Variants in KIRREL3 observed in about 807,000 individuals in gnomAD.
The protein encoded by KIRREL3 is kirre like nephrin family adhesion molecule 3.
A neutral mutation model predicts 89.7 loss-of-function variants in KIRREL3; 36 were observed. The ratio of observed to expected loss-of-function variants is 0.40; its 90% CI spans 0.31 to 0.53. The LOEUF (loss-of-function observed/expected upper bound fraction) is 0.53. KIRREL3 is among the 20% of genes least tolerant of loss of function. The pLI, the probability that KIRREL3 is intolerant of heterozygous loss-of-function variation, is 0.49. For synonymous variants in KIRREL3, 445 were observed against 441.4 expected (o/e 1.01, Z -0.10); for missense variants, 864 against 1,056.6 (o/e 0.82, Z 2.53).
chr11:126,720,755 A>T (rs1322291676), intron 1 of KIRREL3, among the ~76,000 whole-genome samples: 1 of 152,188 alleles, frequency 6.6e-6, no homozygotes, highest in Non-Finnish European at 1.5e-5. Flanking sequence ...GAGAGAAAGG[A>T]ATTGGCTTGT....
intron 1 of KIRREL3, among the ~76,000 whole-genome samples, chr11:126,661,714 G>A (rs191919484): frequency 6.6e-6 from 1 of 152,306 alleles, no homozygotes; most frequent in East Asian, 1.9e-4. Context: ...AATCACCTGA[G>A]GGAGCTAGAA....
At position 126,519,456 on chromosome 11, in the gene KIRREL3, T is replaced by C. The variant is rs189413429; in HGVS notation, c.433+1859A>G. 5.9e-5 allele frequency among the ~76,000 whole-genome samples: 9 copies of C among 152,370 alleles called. No individual in the cohort carries two copies. The East Asian group carries it at 1.7e-3, about 29-fold the overall frequency. ...AAACATTCGAAATAATCTGGACTTTTAATACGTTGGACTTTTTTACGTAAC... is the reference window on the plus strand; with the variant it reads ...AAACATTCGAAATAATCTGGACTTTCAATACGTTGGACTTTTTTACGTAAC... On this transcript the variant is annotated intron_variant, in intron 4 of 16. Transcript: ENST00000525144. The surrounding 1 kb of genome is among the most constrained non-coding windows in gnomAD (Gnocchi z 4.3).
rs896593907 is a variant in KIRREL3 at position 126,754,265 on chromosome 11, G to A, written c.56-191353C>T. Among the ~76,000 whole-genome samples, 1 of 152,134 alleles carries A rather than the reference G, an allele frequency of 6.6e-6. No individual in the cohort carries two copies. Among genetic ancestry groups the A allele is most frequent in the Admixed American group, 6.5e-5 (1 of 15,272 alleles). On this transcript the variant is annotated intron_variant, in intron 1 of 16. Transcript: ENST00000525144. This position sits in a 1 kb window ranked among gnomAD's most constrained non-coding sequence, Gnocchi z 5.1. ...ATCTGGCTACAGATCTAAATTTATT[G>A]CATTAGCTTTGAGAAGACTTTTAAT...
Position 126,900,367 on chromosome 11 carries a change from C to T in KIRREL3, c.55+100088G>A, listed in dbSNP as rs2134833621. ...AAGCAGTTCCGGCTTGTGAGAAATTCAGAGAAGTCTAGAAATAGAAATAAC... is the reference window on the plus strand; with the variant it reads ...AAGCAGTTCCGGCTTGTGAGAAATTTAGAGAAGTCTAGAAATAGAAATAAC... On this transcript the variant is annotated intron_variant, in intron 1 of 16. Transcript: ENST00000525144. The surrounding 1 kb of genome is among the most constrained non-coding windows in gnomAD (Gnocchi z 4.4). Among the ~76,000 whole-genome samples, 1 of 152,252 alleles carries T rather than the reference C, an allele frequency of 6.6e-6. No individual in the cohort carries two copies. The highest frequency in any genetic ancestry group is 3.4e-3 in the Middle Eastern group (1 of 294).
At position 126,430,137 on chromosome 11, in the gene KIRREL3, C is replaced by CA. The variant is rs138112843; in HGVS notation, c.1697-850dup. Among the ~76,000 whole-genome samples, 411 of 127,568 alleles carry CA rather than the reference C, an allele frequency of 3.2e-3. 4 individuals are homozygous for CA. The highest frequency in any genetic ancestry group is 2.3e-3 in the South Asian group (9 of 3,970). The allele number at this position is 127,568 out of a possible 152,430, so 83.7% of individuals were successfully genotyped here. A position where few individuals can be genotyped will look rare whatever the true frequency, so the allele number is the denominator to read the frequency against. On this transcript the variant is annotated intron_variant, in intron 14 of 16. Coordinates refer to ENST00000525144, the MANE Select transcript of KIRREL3 (RefSeq NM_032531.4). The surrounding 1 kb of genome is among the most constrained non-coding windows in gnomAD (Gnocchi z 6.6). ...TGGGCAACAGGATGAGACTCTGTCT[C>CA]AAAAAAAAAAAAGGAAATTCTTGAG... is the stretch of plus-strand genomic sequence containing the variant.
intron 1 of KIRREL3, among the ~76,000 whole-genome samples, chr11:126,714,441 G>A (rs138073837): frequency 3.7e-4 from 57 of 152,326 alleles, no homozygotes; most frequent in African/African-American, 1.1e-3. Context: ...TAATGCCTGC[G>A]ATTCTCTGTG....
At chr11:126,654,380 T>A (rs903638924) in intron 1 of KIRREL3, among the ~76,000 whole-genome samples, 1 of 144,782 alleles carries the variant, frequency 6.9e-6, no homozygotes, top group South Asian at 2.2e-4. Flanking sequence ...AATGCAACAG[T>A]GAAAGGAATT....
In KIRREL3 at chr11:126,489,287, T is replaced by C. The variant is rs772252973; in HGVS notation, c.434-15821A>G. 2.5e-4 allele frequency among the ~76,000 whole-genome samples: 38 copies of C among 152,182 alleles called. No homozygotes were observed. Among genetic ancestry groups the C allele is most frequent in the South Asian group, 1.9e-3 (9 of 4,828 alleles). On this transcript the variant is annotated intron_variant, in intron 4 of 16. Transcript: ENST00000525144. This position sits in a 1 kb window ranked among gnomAD's most constrained non-coding sequence, Gnocchi z 5.5. The stretch of plus-strand genomic sequence containing the variant: ...GAAGCAGCCCTGTCATGTTCCTCTT[T>C]GTCTCTCTCTCCTGCCCCAGCTCAG...
chr11:126,946,354 G>C lies in KIRREL3; in HGVS notation c.55+54101C>G, dbSNP rs1301037855. On this transcript the variant is annotated intron_variant, in intron 1 of 16. Transcript: ENST00000525144. This position sits in a 1 kb window ranked among gnomAD's most constrained non-coding sequence, Gnocchi z 4.1. Reference sequence around the variant, plus strand: ...ACAACATGCCACCATACTGGGAGTTGCAAGACCTGGTTTGGTCCTCATGCA... The same window carrying C: ...ACAACATGCCACCATACTGGGAGTTCCAAGACCTGGTTTGGTCCTCATGCA... Among the ~76,000 whole-genome samples, 1 of 152,166 alleles carries C rather than the reference G, an allele frequency of 6.6e-6. No individual in the cohort carries two copies. Among genetic ancestry groups the C allele is most frequent in the African/African-American group, 2.4e-5 (1 of 41,420 alleles).
intron 1 of KIRREL3, among the ~76,000 whole-genome samples, chr11:126,738,299 C>T (rs1469153227): frequency 6.6e-6 from 1 of 152,128 alleles, no homozygotes; most frequent in Non-Finnish European, 1.5e-5. Flanking sequence ...CCCTGTCTTG[C>T]CTTATCTGGT....
chr11:126,905,085 G>C lies in KIRREL3; in HGVS notation c.55+95370C>G, dbSNP rs1946524692. 1.3e-5 allele frequency among the ~76,000 whole-genome samples: 2 copies of C among 152,162 alleles called. No homozygotes were observed. The highest frequency in any genetic ancestry group is 2.9e-5 in the Non-Finnish European group (2 of 68,034). On this transcript the variant is annotated intron_variant, in intron 1 of 16. Transcript: ENST00000525144. The surrounding 1 kb of genome is among the most constrained non-coding windows in gnomAD (Gnocchi z 5.0). The stretch of plus-strand genomic sequence containing the variant: ...GTTTGGCAAAAAGGGCGACATGATG[G>C]TTGGTGTCTATGAAGACAGCTGTGT...
intron 1 of KIRREL3, among the ~76,000 whole-genome samples, chr11:126,806,167 G>A (rs1951197608): frequency 6.6e-6 from 1 of 152,200 alleles, no homozygotes; most frequent in Admixed American, 6.5e-5. Context: ...GATCTTCAGG[G>A]AAAGCTATTG....
intron 1 of KIRREL3, among the ~76,000 whole-genome samples, chr11:126,790,902 C>T (rs1434899951): frequency 1.3e-5 from 2 of 152,060 alleles, no homozygotes; most frequent in Non-Finnish European, 2.9e-5. Flanking sequence ...CGGATGGAAC[C>T]GTCATAAACA....
rs760874925 is a variant in KIRREL3, at chr11:126,890,177, T to C, written c.55+110278A>G. On this transcript the variant is annotated intron_variant, in intron 1 of 16. Coordinates refer to ENST00000525144, the MANE Select transcript of KIRREL3 (RefSeq NM_032531.4). This position sits in a 1 kb window ranked among gnomAD's most constrained non-coding sequence, Gnocchi z 5.1. ...ATTATTGGGGAGGTGGGGATAGAGC[T>C]GAGGGGTGAAAGTGGGAGGAGAATG... is the stretch of plus-strand genomic sequence containing the variant. Among the ~76,000 whole-genome samples the C allele has an allele frequency of 2.0e-5, 3 of 152,142 alleles. No individual in the cohort carries two copies. Among genetic ancestry groups the C allele is most frequent in the African/African-American group, 4.8e-5 (2 of 41,420 alleles).
In KIRREL3 at chr11:126,750,603, T is replaced by C. The variant is rs1949303207; in HGVS notation, c.56-187691A>G. Among the ~76,000 whole-genome samples the C allele has an allele frequency of 6.6e-6, 1 of 152,230 alleles. No individual in the cohort carries two copies. Among genetic ancestry groups the C allele is most frequent in the Non-Finnish European group, 1.5e-5 (1 of 68,042 alleles). Reference sequence around the variant, plus strand: ...GTGGTAAAGCTTCTACAGAACTGTTTAGTGGGAAAGAATCAACCTGTGTTG... The same window carrying C: ...GTGGTAAAGCTTCTACAGAACTGTTCAGTGGGAAAGAATCAACCTGTGTTG... On this transcript the variant is annotated intron_variant, in intron 1 of 16. Transcript: ENST00000525144. This position sits in a 1 kb window ranked among gnomAD's most constrained non-coding sequence, Gnocchi z 4.2.
intron 1 of KIRREL3, chr11:126,920,372 C>G (rs1382740790): frequency 1.3e-5 from 2 of 152,220 alleles, no homozygotes; most frequent in Non-Finnish European, 2.9e-5. Flanking sequence ...AATCATTGAA[C>G]CGATGAACGA....
intron 1 of KIRREL3, among the ~76,000 whole-genome samples, chr11:126,966,228 G>A (rs1444659355): frequency 6.6e-6 from 1 of 152,080 alleles, no homozygotes; most frequent in Non-Finnish European, 1.5e-5. Flanking sequence ...TGACAATAAG[G>A]TACAGACAAA....
At chr11:126,500,102 C>T (rs1262589135) in intron 4 of KIRREL3, among the ~76,000 whole-genome samples, 2 of 152,160 alleles carry the variant, frequency 1.3e-5, no homozygotes, top group Non-Finnish European at 2.9e-5. Context: ...GGAAGCCGAC[C>T]TCTAGTTCCC....
intron 6 of KIRREL3, among the ~76,000 whole-genome samples, chr11:126,456,960 C>T (rs1049654732): frequency 5.9e-5 from 9 of 152,134 alleles, no homozygotes; most frequent in African/African-American, 1.9e-4. Context: ...TGGTGGCGCA[C>T]GGCCTCAGCT....
Sources: gnomAD v4.1 joint callset for allele counts (sites outside exome capture counted in the v4.1 genomes callset) on GRCh38, gnomAD v4.1.1 for gene constraint, Gnocchi (gnomAD v3.1) non-coding constraint, MANE v1.5 for transcripts, NCBI Gene and HGNC (gene_info 2026-07-23, HGNC 2026-07-21) for gene names.